Variants in AAGAB observed in about 807,000 individuals in gnomAD.
AAGAB encodes the protein alpha- and gamma-adaptin-binding protein p34.
AAGAB carries 38 observed loss-of-function variants against 44.1 expected under a neutral mutation model. The ratio of observed to expected loss-of-function variants is 0.86; its 90% CI spans 0.67 to 1.13. The LOEUF (loss-of-function observed/expected upper bound fraction) is 1.13, where lower values mean the gene tolerates loss of function less well. AAGAB is among the 50% of genes most tolerant of loss of function. The pLI is 0.00. For missense variants in AAGAB, 450 were observed against 373.8 expected (o/e 1.20, Z -1.68); for synonymous variants, 131 against 131.8 (o/e 0.99, Z 0.04).
chr15:67,206,865 T>G (rs1179345415), intron 7 of AAGAB, among the ~76,000 whole-genome samples: 1 of 152,170 alleles, frequency 6.6e-6, no homozygotes, highest in Non-Finnish European at 1.5e-5. Flanking sequence ...CCCTAGTTCC[T>G]TTTATTGGAG....
chr15:67,237,923 A>C (rs1964508465), intron 1 of AAGAB, among the ~76,000 whole-genome samples: 1 of 152,212 alleles, frequency 6.6e-6, no homozygotes, highest in African/African-American at 2.4e-5. Context: ...ATATTTGAAA[A>C]GTTGCCATCA....
chr15:67,218,245 C>T (rs950052456), intron 5 of AAGAB, among the ~76,000 whole-genome samples: 1 of 152,198 alleles, frequency 6.6e-6, no homozygotes, highest in African/African-American at 2.4e-5. Flanking sequence ...GCTCTCTCCT[C>T]CACGGTGGTA....
intron 1 of AAGAB, among the ~76,000 whole-genome samples, chr15:67,250,245 C>T (rs1254985312): frequency 3.3e-5 from 5 of 152,102 alleles, no homozygotes; most frequent in African/African-American, 7.2e-5. Context: ...GGCATGATCT[C>T]GGCTCACTGC....
intron 5 of AAGAB, among the ~76,000 whole-genome samples, chr15:67,224,692 T>G (rs1015792914): frequency 2.6e-5 from 4 of 151,858 alleles, no homozygotes; most frequent in Non-Finnish European, 5.9e-5. Flanking sequence ...GTGATTCTTG[T>G]GCCTCAGCCT....
At chr15:67,254,311 G>C in intron 1 of AAGAB, 1 of 1,083,364 alleles carries the variant, frequency 9.2e-7, no homozygotes. Context: ...CCTGGGCTGA[G>C]CAGAGCGGGA....
At chr15:67,226,336 G>A (rs532045415) in intron 5 of AAGAB, among the ~76,000 whole-genome samples, 4 of 151,988 alleles carry the variant, frequency 2.6e-5, no homozygotes, top group Non-Finnish European at 4.4e-5. Flanking sequence ...TGCCCAGGTT[G>A]GTTTTGAATG....
At chr15:67,236,325 C>T in intron 3 of AAGAB, 83 bp downstream of exon 3, 1 of 1,318,426 alleles carries the variant, frequency 7.6e-7, no homozygotes, top group Non-Finnish European at 1.1e-6. Context: ...GATGTATGTC[C>T]TAAGTTAAAG....
chr15:67,228,279 T>C (rs4776906), intron 5 of AAGAB, among the ~76,000 whole-genome samples: 32,512 of 152,216 alleles, frequency 0.21, 4,130 homozygotes, highest in East Asian at 0.47. Flanking sequence ...GAATATAATT[T>C]TATTCTAAAT....
At position 67,247,537 on chromosome 15, in the gene AAGAB, A is replaced by G. The variant is rs115439044; in HGVS notation, c.73+7022T>C. Among the ~76,000 whole-genome samples the G allele has an allele frequency of 5.7e-3, 865 of 152,344 alleles. 6 individuals carry two copies. The highest frequency in any genetic ancestry group is 0.02 in the African/African-American group (817 of 41,576). ...TCCAGGATGATAAAATATTTTCTGT[A>G]TCATAAGTGGTTTTGTACAATATGG... is the stretch of plus-strand genomic sequence containing the variant. On this transcript the variant is annotated intron_variant, in intron 1 of 9. Coordinates refer to ENST00000261880, the MANE Select transcript of AAGAB (RefSeq NM_024666.5).
rs531944301 is a variant in AAGAB at position 67,202,614 on chromosome 15, C to A, written c.*207G>T. The A allele has an allele frequency of 2.0e-5, 11 of 554,598 alleles. No homozygotes were observed. Among genetic ancestry groups the A allele is most frequent in the African/African-American group, 1.7e-4 (9 of 53,404 alleles). The allele number at this position is 554,598 out of a possible 1,614,324, so 34.4% of individuals were successfully genotyped here. On this transcript the variant is annotated 3_prime_UTR_variant, in exon 10 of 10. Coordinates refer to ENST00000261880, the MANE Select transcript of AAGAB (RefSeq NM_024666.5). ...AAGAAATCCTCACTCATTACTATCA[C>A]TGTATTCCTCACTCTCTTACAATAT...
At chr15:67,250,094 G>T (rs1037653605) in intron 1 of AAGAB, among the ~76,000 whole-genome samples, 3 of 152,144 alleles carry the variant, frequency 2.0e-5, no homozygotes, top group Admixed American at 2.0e-4. Context: ...TTCCTTCTAG[G>T]GAAGTAGAGT....
chr15:67,254,831 T>G (rs544092628), upstream of AAGAB: 71 of 1,539,044 alleles, frequency 4.6e-5, no homozygotes, highest in Middle Eastern at 1.7e-4. Context: ...GACGAGCGGC[T>G]CCGGCTGAAG....
intron 5 of AAGAB, among the ~76,000 whole-genome samples, chr15:67,220,050 T>G (rs1964033677): frequency 6.6e-6 from 1 of 152,144 alleles, no homozygotes. Context: ...GGAAAATAAT[T>G]AAAAATAAAT....
intron 5 of AAGAB, among the ~76,000 whole-genome samples, chr15:67,215,904 T>C (rs532020511): frequency 3.3e-5 from 5 of 152,260 alleles, no homozygotes; most frequent in East Asian, 1.9e-4. Flanking sequence ...TTATTAAAAA[T>C]AGTACTTATT....
intron 5 of AAGAB, among the ~76,000 whole-genome samples, chr15:67,212,120 A>G (rs1963836748): frequency 6.6e-6 from 1 of 152,126 alleles, no homozygotes; most frequent in Admixed American, 6.5e-5. Context: ...TGACCTCGTG[A>G]TGCGCCCGCC....
chr15:67,206,273 A>G (rs1171660083), intron 7 of AAGAB, among the ~76,000 whole-genome samples: 1 of 152,180 alleles, frequency 6.6e-6, no homozygotes, highest in African/African-American at 2.4e-5. Flanking sequence ...ACTGCATCCT[A>G]TCAGGAGGGC....
At chr15:67,254,834 G>C (rs975537183), upstream of AAGAB, 5 of 1,548,934 alleles carry the variant, frequency 3.2e-6, no homozygotes, top group East Asian at 2.4e-5. Context: ...GAGCGGCTCC[G>C]GCTGAAGGTT....
intron 1 of AAGAB, 46 bp downstream of exon 1, chr15:67,254,513 G>T (rs1245480569): frequency 2.6e-6 from 4 of 1,554,558 alleles, no homozygotes; most frequent in Non-Finnish European, 3.5e-6. Context: ...GTCGCCCGCT[G>T]AGGCTCAGGG....
chr15:67,217,643 T>G (rs1963981219), intron 5 of AAGAB, among the ~76,000 whole-genome samples: 1 of 152,202 alleles, frequency 6.6e-6, no homozygotes, highest in Non-Finnish European at 1.5e-5. Context: ...GTTCAAGCAA[T>G]TCTCTTGCCT....
Sources: allele counts gnomAD v4.1 joint callset (sites outside exome capture counted in the v4.1 genomes callset), GRCh38; gene constraint gnomAD v4.1.1; transcripts MANE v1.5; gene names NCBI Gene and HGNC (gene_info 2026-07-23, HGNC 2026-07-21).